Variants in KANSL1L observed in about 807,000 individuals in gnomAD.
KANSL1L encodes the protein KAT8 regulatory NSL complex subunit 1 like.
Under a neutral mutation model 108.6 loss-of-function variants are expected in KANSL1L, and 25 were observed. That is an observed-to-expected ratio of 0.23 (90% CI 0.17 to 0.32). The LOEUF (loss-of-function observed/expected upper bound fraction) is 0.32. KANSL1L is among the 10% of genes least tolerant of loss of function. KANSL1L has a pLI of 1.00. For synonymous variants in KANSL1L, 405 were observed against 395.1 expected, an observed-to-expected ratio of 1.03 and a Z score of -0.30; for missense variants, 1,137 against 1,125.7, an observed-to-expected ratio of 1.01 and a Z score of -0.14.
chr2:210,162,236 A>ATATATATATATATATATATATG (rs1399816162), intron 1 of KANSL1L, among the ~76,000 whole-genome samples: 4 of 143,306 alleles, frequency 2.8e-5, no homozygotes, highest in Non-Finnish European at 6.1e-5. Flanking sequence ...ATATATATAT[A>ATATATATATATATATATATATG]TATATATGTA....
In KANSL1L at chr2:210,081,378, A is replaced by G. The variant is rs540075567; in HGVS notation, c.1551-5622T>C. 3.3e-5 allele frequency among the ~76,000 whole-genome samples: 5 copies of G among 152,258 alleles called. No homozygotes were observed. In the South Asian group the frequency reaches 6.2e-4, roughly 19 times the overall value. Reference sequence around the variant, plus strand: ...CCTCTTCACTACATAATTTCCAATAATCATCTAACTCTCAGATCCAAAGTC... The same window carrying G: ...CCTCTTCACTACATAATTTCCAATAGTCATCTAACTCTCAGATCCAAAGTC... On this transcript the variant is annotated intron_variant, in intron 5 of 14. Coordinates refer to ENST00000281772, the MANE Select transcript of KANSL1L (RefSeq NM_152519.4).
intron 6 of KANSL1L, among the ~76,000 whole-genome samples, chr2:210,070,294 G>A (rs551077154): frequency 3.2e-5 from 4 of 126,342 alleles, no homozygotes; most frequent in Non-Finnish European, 6.4e-5. Flanking sequence ...GCAGTGGCGC[G>A]ATCTCCGCTC....
rs1256649597 is a variant in KANSL1L, at chr2:210,075,769, G to GA, written c.1551-14dup. 6.3e-7 allele frequency: 1 copy of GA among 1,593,724 alleles called. No individual in the cohort carries two copies. Among genetic ancestry groups the GA allele is most frequent in the East Asian group, 2.2e-5 (1 of 44,748 alleles). The stretch of plus-strand genomic sequence containing the variant: ...ATTCTCTGATGCACTGAAATGCCAT[G>GA]AAATAATTAGGGCGTGGGAAGGGAA... On this transcript the variant is annotated splice_polypyrimidine_tract_variant and intron_variant, in intron 5 of 14. Coordinates refer to ENST00000281772, the MANE Select transcript of KANSL1L (RefSeq NM_152519.4).
intron 6 of KANSL1L, among the ~76,000 whole-genome samples, chr2:210,072,045 A>G (rs772300032): frequency 2.6e-5 from 4 of 152,222 alleles, no homozygotes; most frequent in Non-Finnish European, 5.9e-5. Context: ...ACATTAATAA[A>G]ATATTTTGTC....
At chr2:210,070,777 C>T (rs577799558) in intron 6 of KANSL1L, among the ~76,000 whole-genome samples, 1 of 152,200 alleles carries the variant, frequency 6.6e-6, no homozygotes, top group Non-Finnish European at 1.5e-5. Context: ...AAGAGGAAGA[C>T]TCTGCTAGGC....
At chr2:210,081,704 A>G (rs149386431) in intron 5 of KANSL1L, among the ~76,000 whole-genome samples, 2 of 152,296 alleles carry the variant, frequency 1.3e-5, no homozygotes, top group Non-Finnish European at 2.9e-5. Flanking sequence ...TACTGTACAT[A>G]CACATATGTT....
chr2:210,123,325 A>G (rs533594407), intron 3 of KANSL1L, among the ~76,000 whole-genome samples: 2 of 152,332 alleles, frequency 1.3e-5, no homozygotes, highest in South Asian at 4.1e-4. Context: ...TTGTACATAT[A>G]CAAAATGGAG....
At chr2:210,065,985 A>G (rs553735494) in intron 6 of KANSL1L, among the ~76,000 whole-genome samples, 38 of 152,312 alleles carry the variant, frequency 2.5e-4, no homozygotes, top group African/African-American at 8.7e-4. Context: ...AAGGTGTTCA[A>G]TGGTTTTTAC....
chr2:210,090,763 G>C (rs142542773), intron 5 of KANSL1L, among the ~76,000 whole-genome samples: 2,201 of 152,064 alleles, frequency 0.014, 63 homozygotes, highest in African/African-American at 0.051. Context: ...AAACTCCCGG[G>C]CTCAAGCCAT....
intron 2 of KANSL1L, among the ~76,000 whole-genome samples, chr2:210,134,338 T>C (rs2095154874): frequency 6.6e-6 from 1 of 152,188 alleles, no homozygotes; most frequent in Non-Finnish European, 1.5e-5. Flanking sequence ...ACTACTTTCA[T>C]GATCATTATC....
At chr2:210,170,934 T>C (rs141465240) in intron 1 of KANSL1L, among the ~76,000 whole-genome samples, 3,322 of 151,744 alleles carry the variant, frequency 0.022, 68 homozygotes, top group Middle Eastern at 0.034. Flanking sequence ...TTTAGCCGTT[T>C]AAATTTGGCT....
rs2094205088 is a variant in KANSL1L, at chr2:210,044,739, T to C, written c.1756-635A>G. Among the ~76,000 whole-genome samples, 1 of 152,146 alleles carries C rather than the reference T, an allele frequency of 6.6e-6. No individual in the cohort carries two copies. The highest frequency in any genetic ancestry group is 6.5e-5 in the Admixed American group (1 of 15,270). ...ACATGACTTTTCTTCTGTACTCTAT[T>C]ATAAAGTGACAAATTGCATTAACAG... On this transcript the variant is annotated intron_variant, in intron 6 of 14. Transcript: ENST00000281772. This position sits in a 1 kb window ranked among gnomAD's most constrained non-coding sequence, Gnocchi z 4.2.
At chr2:210,057,025 G>A (rs1458893693) in intron 6 of KANSL1L, among the ~76,000 whole-genome samples, 1 of 152,092 alleles carries the variant, frequency 6.6e-6, no homozygotes, top group Non-Finnish European at 1.5e-5. Context: ...CTGTGTGTAT[G>A]CCCCTATTTC....
chr2:210,074,656 G>A (rs895379389), intron 6 of KANSL1L, among the ~76,000 whole-genome samples: 4 of 152,134 alleles, frequency 2.6e-5, no homozygotes, highest in Non-Finnish European at 4.4e-5. Context: ...TGCCGGGCAG[G>A]AAAAGTCTTT....
At chr2:210,057,159 T>C (rs1288556923) in intron 6 of KANSL1L, among the ~76,000 whole-genome samples, 2 of 152,192 alleles carry the variant, frequency 1.3e-5, no homozygotes, top group African/African-American at 2.4e-5. Flanking sequence ...CCCAGCACTT[T>C]GTGAGGCCAA....
intron 3 of KANSL1L, among the ~76,000 whole-genome samples, chr2:210,107,050 C>T (rs986488370): frequency 1.6e-4 from 24 of 151,934 alleles, no homozygotes; most frequent in African/African-American, 5.6e-4. Context: ...TTTAGAAAAA[C>T]GAGTTACAAC....
rs1156966410 is a variant in KANSL1L, at chr2:210,025,171, A to G, written c.2497T>C (p.Tyr833His). 7 of 1,612,722 alleles carry G rather than the reference A, an allele frequency of 4.3e-6. No individual in the cohort carries two copies. The highest frequency in any genetic ancestry group is 1.7e-6 in the Non-Finnish European group (2 of 1,178,822). Reference protein sequence around the residue: ...DEVFSLRHKKYEEREQARWSL... With the variant: ...DEVFSLRHKKHEEREQARWSL... ...CACCTGGCTTGCTCTCTCTCTTCAT[A>G]TTTTTTGTGCCTTAGGGAGAAGACT... The change falls in exon 13 of 15, where the codon TAT becomes CAT. Residue 833 changes from tyrosine to histidine, a missense_variant. Coordinates refer to ENST00000281772, the MANE Select transcript of KANSL1L (RefSeq NM_152519.4).
chr2:210,111,203 G>T (rs931702080), intron 3 of KANSL1L, among the ~76,000 whole-genome samples: 1 of 149,814 alleles, frequency 6.7e-6, no homozygotes, highest in African/African-American at 2.4e-5. Context: ...ATATATAGCA[G>T]CATTATTCAT....
intron 4 of KANSL1L, among the ~76,000 whole-genome samples, chr2:210,102,533 T>G (rs2094804502): frequency 6.6e-6 from 1 of 152,060 alleles, no homozygotes; most frequent in African/African-American, 2.4e-5. Context: ...ACAGGCAACC[T>G]ACAGAATGGG....
Sources: allele counts gnomAD v4.1 joint callset (sites outside exome capture counted in the v4.1 genomes callset), GRCh38; gene constraint gnomAD v4.1.1; non-coding constraint Gnocchi (gnomAD v3.1); transcripts MANE v1.5; gene names NCBI Gene and HGNC (gene_info 2026-07-23, HGNC 2026-07-21).